The following GRK4 variants were observed in gnomAD, a reference collection of about 807,000 sequenced individuals.
GRK4 encodes the protein G protein-coupled receptor kinase 4, also known as G protein-coupled receptor kinase 2-like.
In GRK4, 73 loss-of-function variants were observed where a neutral mutation model predicts 77.9. The ratio of observed to expected loss-of-function variants is 0.94; its 90% CI spans 0.78 to 1.14. GRK4 has a LOEUF of 1.14. GRK4 is among the 50% of genes most tolerant of loss of function. The probability of loss-of-function intolerance (pLI) is 0.00; values close to 1 mark genes in which losing one functional copy is unlikely to be tolerated. For missense variants in GRK4, 729 were observed against 700.2 expected, an observed-to-expected ratio of 1.04 and a Z score of -0.46; for synonymous variants, 257 against 254.4, an observed-to-expected ratio of 1.01 and a Z score of -0.10.
chr4:3,019,173 A>G (rs1183196663), intron 8 of GRK4, among the ~76,000 whole-genome samples: 1 of 152,216 alleles, frequency 6.6e-6, no homozygotes, highest in Non-Finnish European at 1.5e-5. Flanking sequence ...GAGAAATGCA[A>G]ATTAAGACCG....
At chr4:3,000,994 G>C (rs1174355369) in intron 4 of GRK4, among the ~76,000 whole-genome samples, 4 of 150,958 alleles carry the variant, frequency 2.6e-5, no homozygotes, top group Non-Finnish European at 4.4e-5. Context: ...CTCTCCCCTT[G>C]GTGATGCAGG....
At chr4:2,984,828 A>G (rs1188381680) in intron 2 of GRK4, among the ~76,000 whole-genome samples, 1 of 151,952 alleles carries the variant, frequency 6.6e-6, no homozygotes, top group Non-Finnish European at 1.5e-5. Context: ...TATATTTTTT[A>G]TAGAGGTGGG....
chr4:2,979,649 G>T (rs1722285151), intron 1 of GRK4, among the ~76,000 whole-genome samples: 1 of 152,146 alleles, frequency 6.6e-6, no homozygotes, highest in African/African-American at 2.4e-5. Flanking sequence ...GTAGGCGGAG[G>T]TTGTGGTGAG....
At chr4:2,978,094 T>C (rs1721741420) in intron 1 of GRK4, among the ~76,000 whole-genome samples, 1 of 152,200 alleles carries the variant, frequency 6.6e-6, no homozygotes, top group Admixed American at 6.5e-5. Flanking sequence ...ACAGCTAAAA[T>C]TGAGAATAAA....
At chr4:2,979,580 G>A (rs1360142651) in intron 1 of GRK4, among the ~76,000 whole-genome samples, 2 of 152,142 alleles carry the variant, frequency 1.3e-5, no homozygotes, top group Non-Finnish European at 2.9e-5. Flanking sequence ...GGGCGTGGTG[G>A]CACATGCCTG....
Position 3,001,089 on chromosome 4 carries a change from A to ATATATATATGTGTGTGTGTG in GRK4, c.340-3141_340-3140insATATATATGTGTGTGTGTGT. On this transcript the variant is annotated intron_variant, in intron 4 of 15. Transcript: ENST00000398052. The stretch of plus-strand genomic sequence containing the variant: ...TAAATGAGACTATATATATATATAT[A>ATATATATATGTGTGTGTGTG]TGTGTGTGTGTGTGTGTATATATAT... Among the ~76,000 whole-genome samples, 81 of 82,432 alleles carry ATATATATATGTGTGTGTGTG rather than the reference A, an allele frequency of 9.8e-4. 5 individuals carry two copies. The highest frequency in any genetic ancestry group is 6.0e-3 in the Middle Eastern group (1 of 168). 54.1% of individuals were successfully genotyped at this position (82,432 alleles called of 152,430 possible).
Position 3,004,262 on chromosome 4 carries a change from A to G in GRK4, c.371A>G (p.Asp124Gly). ...LAAPLPEIPP[D>G]VVTECRLGLK... Reference sequence around the variant, plus strand: ...GCCCCTTTACCAGAAATACCTCCAGATGTTGTGACAGAATGTAGATTGGGA... The same window carrying G: ...GCCCCTTTACCAGAAATACCTCCAGGTGTTGTGACAGAATGTAGATTGGGA... Residue 124 changes from aspartate to glycine, a missense_variant, in exon 5 of 16, where the codon GAT (aspartate) becomes GGT (glycine). By Grantham distance (94) the Asp-to-Gly change is moderately conservative. Coordinates refer to ENST00000398052, the MANE Select transcript of GRK4 (RefSeq NM_182982.3). The G allele has an allele frequency of 6.2e-7, 1 of 1,613,866 alleles. No individual in the cohort carries two copies. The highest frequency in any genetic ancestry group is 8.5e-7 in the Non-Finnish European group (1 of 1,179,748).
intron 12 of GRK4, 90 bp from the exon 13 acceptor site, chr4:3,035,296 C>T (rs952365728): frequency 7.5e-7 from 1 of 1,325,772 alleles, no homozygotes; most frequent in Non-Finnish European, 1.1e-6. Flanking sequence ...CTCTGCCCTC[C>T]CGAGTCCTTT....
At position 3,012,301 on chromosome 4, in the gene GRK4, A is replaced by C. The variant is rs568792344; in HGVS notation, c.601-1387A>C. Among the ~76,000 whole-genome samples the C allele has an allele frequency of 8.5e-5, 13 of 152,356 alleles. 1 individual carries two copies. The South Asian group carries it at 2.5e-3, about 29-fold the overall frequency. On this transcript the variant is annotated intron_variant, in intron 7 of 15. Transcript: ENST00000398052. Reference sequence around the variant, plus strand: ...ATAGTCACACAATAAGATTTTTTAAAAGGAGGTTAGGAAATATTACCTATT... The same window carrying C: ...ATAGTCACACAATAAGATTTTTTAACAGGAGGTTAGGAAATATTACCTATT...
intron 14 of GRK4, 104 bp from the exon 15 acceptor site, chr4:3,038,272 A>G: frequency 7.1e-7 from 1 of 1,411,832 alleles, no homozygotes; most frequent in Non-Finnish European, 9.7e-7. Flanking sequence ...AGGAGCTCTG[A>G]GGTGCCCCGC....
At chr4:2,965,010 A>G (rs1056491599) in intron 1 of GRK4, among the ~76,000 whole-genome samples, 1 of 152,140 alleles carries the variant, frequency 6.6e-6, no homozygotes, top group Non-Finnish European at 1.5e-5. Flanking sequence ...CAACGCAGCT[A>G]CAAGGCCACC....
intron 4 of GRK4, among the ~76,000 whole-genome samples, chr4:2,998,878 C>T (rs1167993696): frequency 6.6e-6 from 1 of 151,642 alleles, no homozygotes; most frequent in African/African-American, 2.4e-5. Flanking sequence ...AATCTTAGAA[C>T]TCATATGGAT....
At chr4:2,972,857 C>G (rs537354802) in intron 1 of GRK4, among the ~76,000 whole-genome samples, 82 of 152,168 alleles carry the variant, frequency 5.4e-4, no homozygotes, top group Non-Finnish European at 9.7e-4. Flanking sequence ...GCCTCAGCGT[C>G]CCGAGTAGCT....
intron 11 of GRK4, among the ~76,000 whole-genome samples, chr4:3,028,222 G>C (rs781740381): frequency 6.6e-6 from 1 of 152,182 alleles, no homozygotes; most frequent in African/African-American, 2.4e-5. Flanking sequence ...GGCCTGAGAG[G>C]TTGTGAGTCC....
At chr4:2,996,082 T>C (rs562338768) in intron 4 of GRK4, among the ~76,000 whole-genome samples, 12 of 151,816 alleles carry the variant, frequency 7.9e-5, no homozygotes, top group South Asian at 2.1e-4. Flanking sequence ...TTTTTTTTTT[T>C]CCCCCTTCTT....
intron 15 of GRK4, among the ~76,000 whole-genome samples, chr4:3,039,294 T>C (rs1560519375): frequency 6.6e-6 from 1 of 152,234 alleles, no homozygotes; most frequent in Non-Finnish European, 1.5e-5. Flanking sequence ...CTTTTTTCCA[T>C]GCAAAGTGTC....
intron 1 of GRK4, 130 bp from the exon 2 acceptor site, chr4:2,984,383 A>G (rs1419127455): frequency 4.0e-6 from 2 of 494,808 alleles, no homozygotes; most frequent in Non-Finnish European, 7.5e-6. Context: ...TATTATAAGC[A>G]TGTATTTTTA....
intron 1 of GRK4, among the ~76,000 whole-genome samples, chr4:2,972,141 C>T (rs1401458857): frequency 6.6e-6 from 1 of 152,164 alleles, no homozygotes. Flanking sequence ...AACACTGTGG[C>T]CCCACTTTAC....
chr4:3,022,559 C>T (rs1180442614), intron 10 of GRK4, 108 bp downstream of exon 10: 26 of 972,662 alleles, frequency 2.7e-5, no homozygotes, highest in Non-Finnish European at 3.3e-5. Context: ...AGAATGGAAA[C>T]AATAACAAAA....
Sources: allele counts gnomAD v4.1 joint callset (sites outside exome capture counted in the v4.1 genomes callset), GRCh38; gene constraint gnomAD v4.1.1; transcripts MANE v1.5; gene names NCBI Gene and HGNC (gene_info 2026-07-23, HGNC 2026-07-21).